FBXW7: variants seen among roughly 807,000 people sequenced by gnomAD.
FBXW7 encodes F-box and WD repeat domain containing 7, also known as F-box/WD repeat-containing protein 7.
Under a neutral mutation model 86.3 loss-of-function variants are expected in FBXW7, and 11 were observed. The observed-to-expected ratio is 0.13, with a 90% CI of 0.08 to 0.21. The LOEUF is 0.21. FBXW7 is among the 10% of genes least tolerant of loss of function. The probability of loss-of-function intolerance (pLI) is 1.00; values close to 1 mark genes in which losing one functional copy is unlikely to be tolerated. For synonymous variants in FBXW7, 313 were observed against 297.9 expected (o/e 1.05, Z -0.52); for missense variants, 488 against 847.4 (o/e 0.58, Z 5.27).
intron 2 of FBXW7, among the ~76,000 whole-genome samples, chr4:152,448,036 C>T (rs1183762248): frequency 2.0e-5 from 3 of 152,192 alleles, no homozygotes; most frequent in East Asian, 3.8e-4. Flanking sequence ...AGGCATACAA[C>T]TTAACCATAA....
intron 9 of FBXW7, 79 bp from the exon 10 acceptor site, chr4:152,329,864 G>A: frequency 1.5e-6 from 1 of 670,802 alleles, no homozygotes; most frequent in Non-Finnish European, 2.3e-6. Flanking sequence ...AAAAATGAAG[G>A]CATAAACAGG....
At chr4:152,416,893 G>A in intron 2 of FBXW7, among the ~76,000 whole-genome samples, 1 of 152,050 alleles carries the variant, frequency 6.6e-6, no homozygotes. Context: ...TGTGATATGG[G>A]CTTACTCCAT....
At chr4:152,533,377 T>C (rs1345560069) in intron 2 of FBXW7, among the ~76,000 whole-genome samples, 2 of 152,152 alleles carry the variant, frequency 1.3e-5, no homozygotes, top group African/African-American at 4.8e-5. Flanking sequence ...AGAAAATGAC[T>C]ACATTTCTCT....
intron 2 of FBXW7, among the ~76,000 whole-genome samples, chr4:152,430,882 T>C (rs533338249): frequency 4.5e-4 from 68 of 152,350 alleles, no homozygotes; most frequent in African/African-American, 1.6e-3. Context: ...ATTTTTGGAT[T>C]CAGGGTATAT....
chr4:152,449,030 C>A (rs1741671745), intron 2 of FBXW7, among the ~76,000 whole-genome samples: 1 of 152,148 alleles, frequency 6.6e-6, no homozygotes, highest in African/African-American at 2.4e-5. Context: ...AGCTCCACCC[C>A]TCCCCGTCTC....
At chr4:152,447,577 A>T (rs963019223) in intron 2 of FBXW7, among the ~76,000 whole-genome samples, 13 of 152,242 alleles carry the variant, frequency 8.5e-5, no homozygotes, top group Non-Finnish European at 1.5e-5. Context: ...AAATTATTTT[A>T]AAATAATCAC....
At chr4:152,431,038 G>C (rs943834626) in intron 2 of FBXW7, among the ~76,000 whole-genome samples, 8 of 152,144 alleles carry the variant, frequency 5.3e-5, no homozygotes, top group Non-Finnish European at 1.0e-4. Flanking sequence ...CCAAGAATTT[G>C]AAAAGGAAAA....
At chr4:152,337,675 CACT>C in intron 7 of FBXW7, 124 bp downstream of exon 7, 1 of 925,598 alleles carries the variant, frequency 1.1e-6, no homozygotes, top group Non-Finnish European at 1.6e-6. Context: ...CCCTCTTTAC[CACT>C]AATTAAGAGT....
intron 2 of FBXW7, among the ~76,000 whole-genome samples, chr4:152,486,650 T>C (rs1040797938): frequency 1.3e-5 from 2 of 152,060 alleles, no homozygotes; most frequent in Middle Eastern, 3.2e-3. Context: ...AATAACAATG[T>C]CTCTGGAGTA....
intron 2 of FBXW7, chr4:152,530,278 GAGATTA>G (rs1383482775): frequency 5.9e-5 from 9 of 152,088 alleles, no homozygotes; most frequent in Non-Finnish European, 1.5e-5. Flanking sequence ...GCCACTGCAA[GAGATTA>G]AGACTTTAAT....
chr4:152,338,883 G>A (rs1417228666), intron 6 of FBXW7, among the ~76,000 whole-genome samples: 22 of 152,100 alleles, frequency 1.4e-4, no homozygotes. Flanking sequence ...TTAGAAGTGG[G>A]TGAATAGAGA....
intron 2 of FBXW7, among the ~76,000 whole-genome samples, chr4:152,496,168 C>T (rs949577436): frequency 1.3e-5 from 2 of 152,106 alleles, no homozygotes; most frequent in Non-Finnish European, 2.9e-5. Context: ...CAGAGTAAGA[C>T]ACACCACCTC....
intron 2 of FBXW7, among the ~76,000 whole-genome samples, chr4:152,430,743 T>C (rs755604258): frequency 5.9e-5 from 9 of 152,192 alleles, no homozygotes; most frequent in Non-Finnish European, 1.2e-4. Context: ...TCATTTTGAC[T>C]GGTTTCTATT....
intron 12 of FBXW7, chr4:152,325,297 G>T (rs917902232): frequency 3.3e-5 from 5 of 152,044 alleles, no homozygotes; most frequent in Non-Finnish European, 5.9e-5. Flanking sequence ...CTAAGATTAT[G>T]TACTAATTTG....
intron 2 of FBXW7, among the ~76,000 whole-genome samples, chr4:152,418,245 C>T (rs1161853197): frequency 6.6e-6 from 1 of 151,080 alleles, no homozygotes; most frequent in East Asian, 1.9e-4. Flanking sequence ...AGGCTACAGT[C>T]TGTTGAATAC....
chr4:152,352,751 A>C, intron 4 of FBXW7: 3 of 1,611,102 alleles, frequency 1.9e-6, no homozygotes, highest in East Asian at 2.2e-5. Flanking sequence ...AGCTTGACTG[A>C]GAAGAACTCG....
intron 2 of FBXW7, among the ~76,000 whole-genome samples, chr4:152,484,025 A>G (rs1330541602): frequency 2.0e-5 from 3 of 152,156 alleles, no homozygotes; most frequent in Non-Finnish European, 4.4e-5. Flanking sequence ...ATTGCTATTA[A>G]TTTTACAGAC....
At position 152,478,115 on chromosome 4, in the gene FBXW7, G is replaced by A. The variant is rs560679623; in HGVS notation, c.-120+56826C>T. On this transcript the variant is annotated intron_variant, in intron 2 of 13. Coordinates refer to ENST00000281708, the MANE Select transcript of FBXW7 (RefSeq NM_001349798.2). The stretch of plus-strand genomic sequence containing the variant: ...GTACTATTTTAGCCATTTTTAAATG[G>A]ACAATTCAGTAGCATTGAGTACATT... Among the ~76,000 whole-genome samples the A allele has an allele frequency of 3.3e-5, 5 of 151,910 alleles. No individual in the cohort carries two copies. In the East Asian group the frequency reaches 9.7e-4, roughly 29 times the overall value.
At chr4:152,343,668 A>G (rs1050827332) in intron 6 of FBXW7, among the ~76,000 whole-genome samples, 6 of 152,160 alleles carry the variant, frequency 3.9e-5, no homozygotes, top group Admixed American at 1.3e-4. Context: ...CCCAGTCTGA[A>G]AAGTTTAAGT....
Sources: gnomAD v4.1 joint callset for allele counts (sites outside exome capture counted in the v4.1 genomes callset) on GRCh38, gnomAD v4.1.1 for gene constraint, MANE v1.5 for transcripts, NCBI Gene and HGNC (gene_info 2026-07-23, HGNC 2026-07-21) for gene names.